Variants in PCDHA1 observed in about 807,000 individuals in gnomAD.
The protein encoded by PCDHA1 is protocadherin alpha 1.
Under a neutral mutation model 61.3 loss-of-function variants are expected in PCDHA1, and 42 were observed. The ratio of observed to expected loss-of-function variants is 0.69; its 90% confidence interval spans 0.54 to 0.89. The LOEUF is 0.89. Among genes scored for constraint, PCDHA1 ranks in the 40% least tolerant of loss-of-function variants. The pLI, the probability that PCDHA1 is intolerant of heterozygous loss-of-function variation, is 0.00. For synonymous variants in PCDHA1, 610 were observed against 553.8 expected (o/e 1.10, Z -1.43); for missense variants, 1,256 against 1,235.3 (o/e 1.02, Z -0.25).
chr5:140,808,300 G>C (rs1764141064), intron 1 of PCDHA1: 1 of 1,614,256 alleles, frequency 6.2e-7, no homozygotes, highest in African/African-American at 1.3e-5. Context: ...TCATCGCCCT[G>C]ATCAGCGTGT....
chr5:141,008,437 C>T (rs1261106138), intron 3 of PCDHA1, among the ~76,000 whole-genome samples: 1 of 152,182 alleles, frequency 6.6e-6, no homozygotes. Context: ...TTTGCCCAGA[C>T]AGACCATTAC....
At chr5:140,836,324 T>A (rs1774378159) in intron 1 of PCDHA1, 3 of 1,613,578 alleles carry the variant, frequency 1.9e-6, no homozygotes, top group Non-Finnish European at 2.5e-6. Context: ...GCCACCGCCT[T>A]CTGGTGCTTG....
chr5:140,938,793 A>G lies in PCDHA1; in HGVS notation c.2395-40156A>G, dbSNP rs543840345. 2.6e-5 allele frequency among the ~76,000 whole-genome samples: 4 copies of G among 152,268 alleles called. No individual in the cohort carries two copies. The East Asian group carries it at 7.7e-4, about 29-fold the overall frequency. On this transcript the variant is annotated intron_variant, in intron 1 of 3. Coordinates refer to ENST00000504120, the MANE Select transcript of PCDHA1 (RefSeq NM_018900.4). ...AGACTTAGTACCTGAATGATGAAAT[A>G]ATCGGTACCACAAACCCCTGTGACA...
rs545473160 is a variant in PCDHA1 at position 140,873,172 on chromosome 5, G to C, written c.2394+84488G>C. ...CATAGACTTTAGATCGAGAGCTTTT[G>C]TATCATAATATTCATTGGCTAAAAA... On this transcript the variant is annotated intron_variant, in intron 1 of 3. Transcript: ENST00000504120. 2.6e-5 allele frequency among the ~76,000 whole-genome samples: 4 copies of C among 152,084 alleles called. No individual in the cohort carries two copies. In the South Asian group the frequency reaches 8.3e-4, roughly 32 times the overall value.
At chr5:140,927,475 C>A in intron 1 of PCDHA1, 1 of 1,614,110 alleles carries the variant, frequency 6.2e-7, no homozygotes, top group Non-Finnish European at 8.5e-7. Flanking sequence ...GGATCGCGAA[C>A]AGCGCGCCAC....
chr5:140,809,551 A>G (rs782165003), intron 1 of PCDHA1: 1 of 1,612,150 alleles, frequency 6.2e-7, no homozygotes, highest in Non-Finnish European at 8.5e-7. Flanking sequence ...AGCTGCAGAC[A>G]ACTGAGGAAT....
At chr5:140,922,002 A>G (rs138196210) in intron 1 of PCDHA1, among the ~76,000 whole-genome samples, 100 of 152,130 alleles carry the variant, frequency 6.6e-4, no homozygotes, top group Admixed American at 1.6e-3. Flanking sequence ...CAATGAAATG[A>G]TTAGTTTAAA....
rs377044316 is a variant in PCDHA1 at position 140,883,116 on chromosome 5, G to A, written c.2394+94432G>A. 14 of 1,613,818 alleles carry A rather than the reference G, an allele frequency of 8.7e-6. No homozygotes were observed. The African/African-American group carries it at 1.9e-4, about 22-fold the overall frequency. On this transcript the variant is annotated intron_variant, in intron 1 of 3. Coordinates refer to ENST00000504120, the MANE Select transcript of PCDHA1 (RefSeq NM_018900.4). ...GGAGATATAGTTTACTCATTTAGAAGGCCTGTATGGCCTGCAGTGGTATAT... is the reference window on the plus strand; with the variant it reads ...GGAGATATAGTTTACTCATTTAGAAAGCCTGTATGGCCTGCAGTGGTATAT...
Position 140,787,961 on chromosome 5 carries a change from C to T in PCDHA1, c.1671C>T (p.Asp557=), listed in dbSNP as rs1278883144. 1 of 1,613,826 alleles carries T rather than the reference C, an allele frequency of 6.2e-7. No homozygotes were observed. The highest frequency in any genetic ancestry group is 8.5e-7 in the Non-Finnish European group (1 of 1,179,904). ...TGACGCTGCAGGTGTTCGTGCTGGA[C>T]GAGAACGACAACGCGCCGGCGCTGC... ...SNVTLQVFVL[D]ENDNAPALLA... is the part of the protein sequence containing the mutation. Residue 557 remains aspartate (D), a synonymous_variant, in exon 1 of 4, where the codon GAC becomes GAT. Coordinates refer to ENST00000504120, the MANE Select transcript of PCDHA1 (RefSeq NM_018900.4).
Position 140,946,631 on chromosome 5 carries a change from T to TATATATATATATATAC in PCDHA1, c.2395-32317_2395-32316insTATATATATATATACA, listed in dbSNP as rs57893927. On this transcript the variant is annotated intron_variant, in intron 1 of 3. Coordinates refer to ENST00000504120, the MANE Select transcript of PCDHA1 (RefSeq NM_018900.4). The stretch of plus-strand genomic sequence containing the variant: ...TGTGAAATATATATATATATATATA[T>TATATATATATATATAC]ACAATGGAATACTCATCAGCCATTA... 8.0e-3 allele frequency among the ~76,000 whole-genome samples: 1,048 copies of TATATATATATATATAC among 131,788 alleles called. 65 individuals carry two copies. Among genetic ancestry groups the TATATATATATATATAC allele is most frequent in the African/African-American group, 0.026 (735 of 28,674 alleles). The allele number at this position is 131,788 out of a possible 152,430, so 86.5% of individuals were successfully genotyped here. A position where few individuals can be genotyped will look rare whatever the true frequency, so the allele number is the denominator to read the frequency against.
At chr5:140,853,463 A>G in intron 1 of PCDHA1, 1 of 972,934 alleles carries the variant, frequency 1.0e-6, no homozygotes, top group Non-Finnish European at 1.2e-6. Context: ...CCTTATATGC[A>G]TCTGTAGTTA....
intron 1 of PCDHA1, chr5:140,795,576 A>G (rs1554119497): frequency 6.2e-7 from 1 of 1,614,054 alleles, no homozygotes; most frequent in Non-Finnish European, 8.5e-7. Flanking sequence ...ACAGAGAGGA[A>G]ACTGCTGAGG....
At chr5:140,938,125 A>G (rs1339364898) in intron 1 of PCDHA1, among the ~76,000 whole-genome samples, 1 of 152,120 alleles carries the variant, frequency 6.6e-6, no homozygotes, top group Admixed American at 6.5e-5. Context: ...TTTTTTAAAA[A>G]AATAGAGATA....
In PCDHA1 at chr5:140,788,042, G is replaced by A. The variant is rs781859097; in HGVS notation, c.1752G>A (p.Leu584=). 2 of 1,614,022 alleles carry A rather than the reference G, an allele frequency of 1.2e-6. No homozygotes were observed. The highest frequency in any genetic ancestry group is 1.7e-6 in the Non-Finnish European group (2 of 1,179,902). ...IGAVSELVPR[L]VGAGHVVAKV... ...CAGTCAGTGAGCTGGTGCCGCGATT[G>A]GTGGGTGCGGGTCATGTGGTGGCGA... Residue 584 remains leucine (L), a synonymous_variant, in exon 1 of 4, where the codon TTG becomes TTA. Transcript: ENST00000504120.
intron 1 of PCDHA1, chr5:140,796,670 G>C: frequency 2.5e-6 from 4 of 1,613,890 alleles, no homozygotes; most frequent in Non-Finnish European, 3.4e-6. Flanking sequence ...TTGGCGCCTA[G>C]GGCTGGCACC....
At chr5:140,822,610 T>C (rs1767364157) in intron 1 of PCDHA1, 10 of 1,611,874 alleles carry the variant, frequency 6.2e-6, no homozygotes, top group Non-Finnish European at 8.5e-6. Context: ...AATAGTGTAT[T>C]TCTTTAGTAA....
At chr5:140,851,106 C>G in intron 1 of PCDHA1, 1 of 1,294,794 alleles carries the variant, frequency 7.7e-7, no homozygotes, top group South Asian at 2.7e-5. Context: ...TTTTTGGGTG[C>G]TGAATCAATT....
rs573889445 is a variant in PCDHA1 at position 140,855,681 on chromosome 5, A to G, written c.2394+66997A>G. ...AGAAATCACTACTCTGAGAGTCTAC[A>G]TTTAAGAAAACATTGCACGTGGGAT... On this transcript the variant is annotated intron_variant, in intron 1 of 3. Coordinates refer to ENST00000504120, the MANE Select transcript of PCDHA1 (RefSeq NM_018900.4). Among the ~76,000 whole-genome samples the G allele has an allele frequency of 1.4e-4, 21 of 149,936 alleles. 1 individual carries two copies. The highest frequency in any genetic ancestry group is 5.1e-4 in the African/African-American group (21 of 40,902).
intron 1 of PCDHA1, chr5:140,869,477 A>T: frequency 1.2e-6 from 2 of 1,614,208 alleles, no homozygotes; most frequent in African/African-American, 2.7e-5. Context: ...GAGGTGAAGG[A>T]CATTAACGAC....
Sources: allele counts gnomAD v4.1 joint callset (sites outside exome capture counted in the v4.1 genomes callset), GRCh38; gene constraint gnomAD v4.1.1; transcripts MANE v1.5; gene names NCBI Gene and HGNC (gene_info 2026-07-23, HGNC 2026-07-21).